The following OR3A2 variants were observed in gnomAD, a reference collection of about 807,000 sequenced individuals.
The protein encoded by OR3A2 is olfactory receptor family 3 subfamily A member 2.
For synonymous variants in OR3A2, 126 were observed against 159.3 expected (o/e 0.79, Z 1.57); for missense variants, 318 against 392.8 (o/e 0.81, Z 1.61).
At position 3,310,890 on chromosome 17, in the gene OR3A2, A is replaced by G. The variant is rs1162669520; in HGVS notation, c.-85+25143T>C. ...ACAGCCCTTCCAGCTCTCCTGCTCC[A>G]GTGTTCATCTCAATGGGCAGTTGCT... On this transcript the variant is annotated intron_variant, in intron 3 of 4. Coordinates refer to the OR3A2 transcript ENST00000573491. 3 of 852,228 alleles carry G rather than the reference A, an allele frequency of 3.5e-6. No individual in the cohort carries two copies. In the South Asian group the frequency reaches 3.9e-5, roughly 11 times the overall value. The allele number at this position is 852,228 out of a possible 1,614,324, so 52.8% of individuals were successfully genotyped here. A position where few individuals can be genotyped will look rare whatever the true frequency, so the allele number is the denominator to read the frequency against.
intron 2 of OR3A2, among the ~76,000 whole-genome samples, chr17:3,374,907 T>C (rs2049666470): frequency 6.6e-6 from 1 of 152,094 alleles, no homozygotes; most frequent in Non-Finnish European, 1.5e-5. Flanking sequence ...ATCATTCTTA[T>C]GCCTTTGCAT....
upstream of OR3A2, among the ~76,000 whole-genome samples, chr17:3,288,000 AC>A (rs2150619736): frequency 6.6e-6 from 1 of 151,816 alleles, no homozygotes; most frequent in South Asian, 2.1e-4. Context: ...TACTAGAAAA[AC>A]ATCAGACACA....
chr17:3,300,232 C>A (rs1222965437), intron 3 of OR3A2, among the ~76,000 whole-genome samples: 3 of 152,032 alleles, frequency 2.0e-5, no homozygotes, highest in African/African-American at 7.2e-5. Flanking sequence ...TTTGTGCCAG[C>A]CTTTTCAGCT....
intron 2 of OR3A2, among the ~76,000 whole-genome samples, chr17:3,381,486 T>C (rs1030246700): frequency 2.0e-5 from 3 of 152,190 alleles, no homozygotes; most frequent in Admixed American, 1.3e-4. Context: ...AGCCCAGCCC[T>C]GTGCCTCGTG....
At chr17:3,328,016 C>A (rs1385342745) in intron 3 of OR3A2, among the ~76,000 whole-genome samples, 1 of 142,688 alleles carries the variant, frequency 7.0e-6, no homozygotes, top group Non-Finnish European at 1.5e-5. Flanking sequence ...GTTCTTTTGG[C>A]TTAGGATTGC....
At chr17:3,370,556 G>C (rs979915974) in intron 2 of OR3A2, among the ~76,000 whole-genome samples, 1 of 151,398 alleles carries the variant, frequency 6.6e-6, no homozygotes, top group African/African-American at 2.4e-5. Flanking sequence ...CTTTTCTTCT[G>C]CTGGGTTTGG....
chr17:3,379,792 T>C (rs976585074), intron 2 of OR3A2, among the ~76,000 whole-genome samples: 1 of 152,114 alleles, frequency 6.6e-6, no homozygotes, highest in African/African-American at 2.4e-5. Flanking sequence ...CCATCCTGCA[T>C]AGAAGGGGCA....
chr17:3,322,705 G>C (rs1167228183), intron 3 of OR3A2, among the ~76,000 whole-genome samples: 4 of 152,138 alleles, frequency 2.6e-5, no homozygotes, highest in African/African-American at 9.7e-5. Flanking sequence ...TTAATTCTGA[G>C]TTCTAGTTTG....
chr17:3,367,532 C>A (rs1187300400), intron 2 of OR3A2, among the ~76,000 whole-genome samples: 3 of 149,968 alleles, frequency 2.0e-5, no homozygotes, highest in Non-Finnish European at 4.4e-5. Flanking sequence ...TTGCTGCAAA[C>A]GCCATTATTT....
At chr17:3,277,907 C>T in exon 2 of OR3A2, 5 of 1,507,632 alleles carry the variant, frequency 3.3e-6, no homozygotes, top group Non-Finnish European at 4.4e-6. Flanking sequence ...TTCCTGGTTA[C>T]TGTCTTCATG....
intron 2 of OR3A2, among the ~76,000 whole-genome samples, chr17:3,382,646 T>C (rs2049747714): frequency 6.6e-6 from 1 of 152,204 alleles, no homozygotes; most frequent in Non-Finnish European, 1.5e-5. Flanking sequence ...AGAGGCCACA[T>C]TTTAGCTCTA....
intron 3 of OR3A2, among the ~76,000 whole-genome samples, chr17:3,312,861 T>G (rs1303869071): frequency 1.3e-5 from 2 of 152,162 alleles, no homozygotes; most frequent in Non-Finnish European, 2.9e-5. Flanking sequence ...TGACCTCATG[T>G]GATCCACCCG....
At chr17:3,340,304 T>G (rs189261781) in intron 2 of OR3A2, among the ~76,000 whole-genome samples, 1,568 of 152,316 alleles carry the variant, frequency 0.01, 13 homozygotes, top group Middle Eastern at 0.048. Context: ...TCTTGCCTTC[T>G]GCTAGCTTTT....
intron 2 of OR3A2, among the ~76,000 whole-genome samples, chr17:3,371,823 G>A (rs1324255928): frequency 1.5e-5 from 2 of 131,142 alleles, no homozygotes; most frequent in East Asian, 2.5e-4. Flanking sequence ...CGGGCGGGGG[G>A]CTGACCTCCC....
intron 2 of OR3A2, among the ~76,000 whole-genome samples, chr17:3,371,323 G>C (rs1450340181): frequency 1.3e-5 from 2 of 151,394 alleles, no homozygotes; most frequent in Middle Eastern, 3.2e-3. Context: ...GGGGCGGCCG[G>C]GCAGAAGTGC....
intron 2 of OR3A2, among the ~76,000 whole-genome samples, chr17:3,380,857 G>A (rs563716828): frequency 6.6e-5 from 10 of 152,266 alleles, no homozygotes; most frequent in African/African-American, 2.4e-4. Flanking sequence ...GTTGAGGCAG[G>A]CGGACTTGAG....
At chr17:3,310,752 G>T (rs1352835456) in intron 3 of OR3A2, 2 of 557,260 alleles carry the variant, frequency 3.6e-6, no homozygotes, top group Non-Finnish European at 7.2e-6. Flanking sequence ...GCAAGCCCTG[G>T]TGGGCATGTC....
intron 3 of OR3A2, among the ~76,000 whole-genome samples, chr17:3,318,744 C>T (rs1349388522): frequency 2.0e-5 from 3 of 152,148 alleles, no homozygotes; most frequent in Admixed American, 1.3e-4. Context: ...GTTTTTTCCA[C>T]AGCTATTTCC....
intron 3 of OR3A2, among the ~76,000 whole-genome samples, chr17:3,297,641 C>T (rs367652756): frequency 2.0e-5 from 3 of 151,290 alleles, no homozygotes; most frequent in East Asian, 3.8e-4. Flanking sequence ...CTCCTCTACT[C>T]CATTGTGGCT....
Sources: gnomAD v4.1 joint callset for allele counts (sites outside exome capture counted in the v4.1 genomes callset) on GRCh38, gnomAD v4.1.1 for gene constraint, MANE v1.5 for transcripts, NCBI Gene and HGNC (gene_info 2026-07-23, HGNC 2026-07-21) for gene names.